The following MRPL4 variants were observed in gnomAD, a reference collection of about 807,000 sequenced individuals.
The protein encoded by MRPL4 is large ribosomal subunit protein uL4m.
A neutral mutation model predicts 34.1 loss-of-function variants in MRPL4; 34 were observed. That is an observed-to-expected ratio of 1.00 (90% CI 0.76 to 1.33). MRPL4 has a LOEUF of 1.33. Among genes scored for constraint, MRPL4 ranks in the 40% most tolerant of loss-of-function variants. MRPL4 has a pLI of 0.00. For synonymous variants in MRPL4, 196 were observed against 188.3 expected, an observed-to-expected ratio of 1.04 and a Z score of -0.33; for missense variants, 402 against 434.6, an observed-to-expected ratio of 0.92 and a Z score of 0.67.
chr19:10,252,675 C>T lies in MRPL4; in HGVS notation c.249C>T (p.His83=), dbSNP rs1247315308. The stretch of plus-strand genomic sequence containing the variant: ...AGCGCGTGGGCCTGGCCGACCTGCA[C>T]CCCGATGTTTTCGCCACCGCGCCCA... The part of the protein sequence containing the change: ...EQERVGLADL[H]PDVFATAPRL... Residue 83 remains histidine (H), a synonymous_variant, in exon 3 of 9, where the codon CAC becomes CAT. Transcript: ENST00000253099. The T allele has an allele frequency of 6.2e-7, 1 of 1,604,998 alleles. No individual in the cohort carries two copies. The highest frequency in any genetic ancestry group is 8.5e-7 in the Non-Finnish European group (1 of 1,179,718).
intron 8 of MRPL4, 25 bp from the exon 9 acceptor site, chr19:10,259,592 C>A (rs1483783560): frequency 6.8e-7 from 1 of 1,471,044 alleles, no homozygotes; most frequent in Non-Finnish European, 8.9e-7. Context: ...ACCGGCCCCC[C>A]GCCCCGCCCC....
In MRPL4 at chr19:10,256,698, G is replaced by A; in HGVS notation, c.328-10G>A. ...CGTGGACCTGACCCCCCTCCTCTTT[G>A]TGCCTCCAGAGCTATGCCAAGACCA... On this transcript the variant is annotated splice_polypyrimidine_tract_variant and intron_variant, in intron 4 of 8. Coordinates refer to ENST00000253099, the MANE Select transcript of MRPL4 (RefSeq NM_015956.3). 6.2e-7 allele frequency: 1 copy of A among 1,610,526 alleles called. No individual in the cohort carries two copies. The highest frequency in any genetic ancestry group is 1.1e-5 in the South Asian group (1 of 90,962).
chr19:10,259,365 G>A, intron 8 of MRPL4: 1 of 1,387,968 alleles, frequency 7.2e-7, no homozygotes, highest in Non-Finnish European at 9.3e-7. Context: ...GGAGCCAGGA[G>A]TCCCAGCCAG....
intron 5 of MRPL4, 49 bp from the exon 6 acceptor site, chr19:10,258,173 C>G: frequency 7.3e-7 from 1 of 1,372,018 alleles, no homozygotes; most frequent in Non-Finnish European, 1.0e-6. Context: ...TTGCTGACCT[C>G]CAGGCTCTGC....
chr19:10,255,637 T>C (rs1232840510), intron 4 of MRPL4: 1 of 152,530 alleles, frequency 6.6e-6, no homozygotes, highest in Non-Finnish European at 1.5e-5. Context: ...GAAGAATCCA[T>C]TACCAGTCAG....
chr19:10,259,325 C>T, intron 8 of MRPL4: 2 of 1,383,602 alleles, frequency 1.4e-6, no homozygotes, highest in Non-Finnish European at 1.9e-6. Flanking sequence ...GCCCTCCCGT[C>T]ATTTGCCCTG....
At chr19:10,257,996 G>A (rs528817815) in intron 5 of MRPL4, among the ~76,000 whole-genome samples, 6 of 152,036 alleles carry the variant, frequency 3.9e-5, no homozygotes, top group South Asian at 4.2e-4. Flanking sequence ...AGCCACCTTC[G>A]CCAGCCCTGT....
intron 4 of MRPL4, among the ~76,000 whole-genome samples, chr19:10,256,303 G>A (rs566174688): frequency 2.0e-5 from 3 of 151,828 alleles, no homozygotes; most frequent in Non-Finnish European, 4.4e-5. Context: ...AAAATTAGCC[G>A]GGCATGGTGA....
At chr19:10,253,267 G>A (rs1041972786) in intron 3 of MRPL4, among the ~76,000 whole-genome samples, 2 of 150,676 alleles carry the variant, frequency 1.3e-5, no homozygotes, top group African/African-American at 2.4e-5. Flanking sequence ...ACGAGGTCAG[G>A]AGATCGAGAC....
chr19:10,252,150 G>C (rs2039795178), upstream of MRPL4: 1 of 1,372,028 alleles, frequency 7.3e-7, no homozygotes, highest in South Asian at 1.4e-5. Flanking sequence ...TTCCAGCGCG[G>C]AGTCGCGGCG....
At position 10,256,377 on chromosome 19, in the gene MRPL4, CAG is replaced by C. The variant is rs1266197810; in HGVS notation, c.328-328_328-327del. 2.6e-5 allele frequency among the ~76,000 whole-genome samples: 4 copies of C among 152,014 alleles called. No individual in the cohort carries two copies. In the South Asian group the frequency reaches 6.2e-4, roughly 24 times the overall value. ...AGGAGAATCGCTTGAATCTAGGAAT[CAG>C]AGGTTGCAGTGAGCCAAGGTCACAC... On this transcript the variant is annotated intron_variant, in intron 4 of 8. Coordinates refer to ENST00000253099, the MANE Select transcript of MRPL4 (RefSeq NM_015956.3).
intron 4 of MRPL4, 98 bp downstream of exon 4, chr19:10,254,738 G>C (rs972392986): frequency 1.6e-6 from 2 of 1,286,318 alleles, no homozygotes; most frequent in East Asian, 4.8e-5. Context: ...TCTCTGGACT[G>C]CTCGGCTGGG....
Position 10,252,419 on chromosome 19 carries a change from A to G in MRPL4, c.80A>G (p.Glu27Gly). 1 of 1,614,014 alleles carries G rather than the reference A, an allele frequency of 6.2e-7. No individual in the cohort carries two copies. Residue 27 changes from glutamate to glycine, a missense_variant, in exon 2 of 9, where the codon GAG becomes GGG. Coordinates refer to ENST00000253099, the MANE Select transcript of MRPL4 (RefSeq NM_015956.3). ...CAGGGCCTGAGTTCCCTGGCGGAAG[A>G]GGCAGCGCGTGCGACCGAGAACCCG... is the stretch of plus-strand genomic sequence containing the variant. ...GSQGLSSLAE[E>G]AARATENPEQ...
chr19:10,257,454 C>T (rs1031512381), intron 5 of MRPL4, among the ~76,000 whole-genome samples: 2 of 152,152 alleles, frequency 1.3e-5, no homozygotes, highest in Admixed American at 6.6e-5. Context: ...CCTTGATCTC[C>T]TTTCCTTCCA....
In MRPL4 at chr19:10,254,443, G is replaced by A. The variant is rs574025118; in HGVS notation, c.276-146G>A. ...GAACAGCAAGTGCCAAGGCCCTGAG[G>A]CAGAATTTCAAGATGGGGTCAGTGA... On this transcript the variant is annotated intron_variant, in intron 3 of 8. Transcript: ENST00000253099. 9.6e-5 allele frequency: 80 copies of A among 837,148 alleles called. No homozygotes were observed. The African/African-American group carries it at 1.3e-3, about 13-fold the overall frequency. The allele number at this position is 837,148 out of a possible 1,614,324, so 51.9% of individuals were successfully genotyped here.
In MRPL4 at chr19:10,259,725, T is replaced by C; in HGVS notation, c.848T>C (p.Leu283Pro). Residue 283 changes from leucine to proline, a missense_variant, in exon 9 of 9, where the codon CTC becomes CCC. Leu to Pro is a moderately conservative substitution (Grantham distance 98, BLOSUM62 -3). Transcript: ENST00000253099. ...TGGCAGGACTCACGTTACAGACCCC[T>C]CTACCCCTTCAGCCTGCCCTACAGC... ...LLWQDSRYRPLYPFSLPYSDF... is the reference protein window; with the variant it reads ...LLWQDSRYRPPYPFSLPYSDF... 6.2e-7 allele frequency: 1 copy of C among 1,613,732 alleles called. No homozygotes were observed. The highest frequency in any genetic ancestry group is 1.1e-5 in the South Asian group (1 of 91,068).
rs143729133 is a variant in MRPL4 at position 10,252,458 on chromosome 19, G to A, written c.119G>A (p.Ser40Asn). The A allele has an allele frequency of 5.8e-5, 94 of 1,614,034 alleles. 3 individuals are homozygous for A. In the South Asian group the frequency reaches 9.8e-4, roughly 17 times the overall value. The change falls in exon 2 of 9, where the codon AGC (serine) becomes AAC (asparagine). Residue 40 changes from serine (S) to asparagine (N), a missense_variant. Coordinates refer to ENST00000253099, the MANE Select transcript of MRPL4 (RefSeq NM_015956.3). ...ACCGAGAACCCGGAGCAGGTGGCGA[G>A]CGAGGGTAAGGCAACCGGGGTGGCT... is the stretch of plus-strand genomic sequence containing the variant. Reference protein sequence around the residue: ...RATENPEQVASEGLPEPVLRK... With the variant: ...RATENPEQVANEGLPEPVLRK...
At chr19:10,258,370 C>T (rs746863496) in intron 6 of MRPL4, 42 bp downstream of exon 6, 2 of 1,613,580 alleles carry the variant, frequency 1.2e-6, no homozygotes, top group East Asian at 2.2e-5. Flanking sequence ...AGAGGTGGGG[C>T]TGCTCTGGAC....
intron 4 of MRPL4, 85 bp from the exon 5 acceptor site, chr19:10,256,623 C>A: frequency 8.8e-7 from 1 of 1,135,718 alleles, no homozygotes; most frequent in Non-Finnish European, 1.3e-6. Flanking sequence ...TGCCTCCTGT[C>A]TGACTTCCCC....
Sources: gnomAD v4.1 joint callset for allele counts (sites outside exome capture counted in the v4.1 genomes callset) on GRCh38, gnomAD v4.1.1 for gene constraint, MANE v1.5 for transcripts, NCBI Gene and HGNC (gene_info 2026-07-23, HGNC 2026-07-21) for gene names.